Variants in RIMS2 observed in about 807,000 individuals in gnomAD.
RIMS2 encodes regulating synaptic membrane exocytosis protein 2.
In RIMS2, 59 loss-of-function variants were observed where a neutral mutation model predicts 174.4. The observed-to-expected ratio is 0.34, with a 90% CI of 0.27 to 0.42. The LOEUF is 0.42. Among genes scored for constraint, RIMS2 ranks in the 10% least tolerant of loss-of-function variants. RIMS2 has a pLI of 1.00. For missense variants in RIMS2, 1,620 were observed against 1,666.3 expected, an observed-to-expected ratio of 0.97 and a Z score of 0.48; for synonymous variants, 606 against 572.5, an observed-to-expected ratio of 1.06 and a Z score of -0.84.
intron 15 of RIMS2, among the ~76,000 whole-genome samples, 178 bp from the exon 18 acceptor site, chr8:103,975,172 T>A (rs1387645062): frequency 6.6e-6 from 1 of 152,198 alleles, no homozygotes; most frequent in Non-Finnish European, 1.5e-5. Flanking sequence ...CATTCCTTTT[T>A]AATTTCTGTT....
At chr8:103,607,718 C>G (rs1423853020) in intron 1 of RIMS2, among the ~76,000 whole-genome samples, 3 of 135,884 alleles carry the variant, frequency 2.2e-5, no homozygotes, top group Non-Finnish European at 3.2e-5. Flanking sequence ...TCTTTTTTCT[C>G]TAAACTTCCC....
At chr8:103,676,126 G>A (rs556770549) in intron 1 of RIMS2, among the ~76,000 whole-genome samples, 2 of 152,242 alleles carry the variant, frequency 1.3e-5, no homozygotes, top group Admixed American at 6.5e-5. Flanking sequence ...GGTAAGACTT[G>A]TTATGTAAAT....
chr8:104,101,037 T>C (rs920239197), intron 19 of RIMS2, among the ~76,000 whole-genome samples: 2 of 142,534 alleles, frequency 1.4e-5, no homozygotes, highest in East Asian at 2.0e-4. Context: ...ATGTTATATA[T>C]TATATTATAT....
intron 1 of RIMS2, among the ~76,000 whole-genome samples, chr8:103,659,816 C>T (rs10097250): frequency 0.38 from 57,292 of 152,066 alleles, 11,139 homozygotes; most frequent in African/African-American, 0.4. Flanking sequence ...GAGCGTTTCA[C>T]TGAGATTGGC....
intron 19 of RIMS2, among the ~76,000 whole-genome samples, chr8:104,029,149 A>G (rs901792919): frequency 4.5e-4 from 69 of 152,204 alleles, no homozygotes; most frequent in African/African-American, 1.6e-3. Context: ...ATGCTAATGC[A>G]TTCTAACTAG....
chr8:103,947,390 A>G (rs1162598877), intron 14 of RIMS2, among the ~76,000 whole-genome samples: 2 of 152,224 alleles, frequency 1.3e-5, no homozygotes, highest in Non-Finnish European at 2.9e-5. Context: ...AAACATTGTC[A>G]TCATTGTATG....
At chr8:103,818,313 A>T (rs1227895156) in intron 3 of RIMS2, among the ~76,000 whole-genome samples, 1 of 152,188 alleles carries the variant, frequency 6.6e-6, no homozygotes, top group South Asian at 2.1e-4. Context: ...TTAAAAGTCA[A>T]TGAAAATACT....
chr8:103,592,062 T>C (rs1040562921), intron 1 of RIMS2, among the ~76,000 whole-genome samples: 1 of 151,186 alleles, frequency 6.6e-6, no homozygotes, highest in African/African-American at 2.4e-5. Context: ...ATTTAGATGT[T>C]CTTGCAGAAT....
Position 104,117,582 on chromosome 8 carries a change from C to A in RIMS2, c.3334+102967C>A, listed in dbSNP as rs1208188781. 3.3e-5 allele frequency among the ~76,000 whole-genome samples: 5 copies of A among 151,998 alleles called. No homozygotes were observed. The East Asian group carries it at 5.8e-4, about 18-fold the overall frequency. On this transcript the variant is annotated intron_variant, in intron 19 of 23. Coordinates refer to ENST00000504942, the Ensembl canonical transcript of RIMS2. ...TCTTGAAATCCTGGCCTCAAGCAAT[C>A]CCCCCTTCCTGGGCCTCCCAAAGTG...
At chr8:103,576,805 A>T (rs898617221) in intron 1 of RIMS2, among the ~76,000 whole-genome samples, 1 of 152,196 alleles carries the variant, frequency 6.6e-6, no homozygotes, top group African/African-American at 2.4e-5. Flanking sequence ...GATATCCCTA[A>T]CAAAAACAAG....
At chr8:103,638,848 G>A (rs906026362) in intron 1 of RIMS2, among the ~76,000 whole-genome samples, 3 of 152,116 alleles carry the variant, frequency 2.0e-5, no homozygotes, top group Middle Eastern at 6.8e-3. Context: ...GGAAATACTT[G>A]TATATATAAA....
intron 19 of RIMS2, among the ~76,000 whole-genome samples, chr8:104,047,271 A>T (rs1305191143): frequency 6.6e-6 from 1 of 152,080 alleles, no homozygotes; most frequent in Non-Finnish European, 1.5e-5. Flanking sequence ...CTAAATTATT[A>T]ATATATTACT....
chr8:103,602,649 G>A (rs2094816895), intron 1 of RIMS2, among the ~76,000 whole-genome samples: 2 of 152,118 alleles, frequency 1.3e-5, no homozygotes, highest in African/African-American at 4.8e-5. Context: ...CTTTTTTATG[G>A]CTGGATTGTA....
At chr8:104,167,106 A>G (rs1365026837) in intron 19 of RIMS2, among the ~76,000 whole-genome samples, 2 of 152,144 alleles carry the variant, frequency 1.3e-5, no homozygotes, top group Admixed American at 1.3e-4. Context: ...TTTTTCATAT[A>G]ATGACTTATT....
At position 104,082,082 on chromosome 8, in the gene RIMS2, T is replaced by C. The variant is rs79073067; in HGVS notation, c.3334+67467T>C. 7.1e-3 allele frequency among the ~76,000 whole-genome samples: 1,088 copies of C among 152,172 alleles called. 11 individuals are homozygous for C. Among genetic ancestry groups the C allele is most frequent in the African/African-American group, 0.025 (1,025 of 41,528 alleles). ...TGCTGAAGCTCATCAGCTTTAATTC[T>C]GGATTCTGGTTCTGCAACATTAAAG... On this transcript the variant is annotated intron_variant, in intron 19 of 23. Transcript: ENST00000504942.
At chr8:104,139,716 AT>A in intron 19 of RIMS2, among the ~76,000 whole-genome samples, 1 of 152,250 alleles carries the variant, frequency 6.6e-6, no homozygotes, top group Non-Finnish European at 1.5e-5. Flanking sequence ...AACAAAGATA[AT>A]TTGACTTCTT....
intron 1 of RIMS2, among the ~76,000 whole-genome samples, chr8:103,516,438 A>C (rs547669548): frequency 5.9e-5 from 9 of 152,270 alleles, no homozygotes; most frequent in African/African-American, 2.2e-4. Flanking sequence ...ATTATGTTAC[A>C]TTATTTTTTA....
intron 15 of RIMS2, among the ~76,000 whole-genome samples, chr8:103,973,950 AG>A (rs2093174057): frequency 6.6e-6 from 1 of 152,158 alleles, no homozygotes. Flanking sequence ...CTCATCCATG[AG>A]GTTAAACACC....
In RIMS2 at chr8:103,886,242, C is replaced by A. The variant is rs763237084; in HGVS notation, c.1624+19C>A. 4 of 1,577,398 alleles carry A rather than the reference C, an allele frequency of 2.5e-6. No individual in the cohort carries two copies. The South Asian group carries it at 4.7e-5, about 18-fold the overall frequency. On this transcript the variant is annotated intron_variant, in intron 4 of 23. Coordinates refer to ENST00000504942, the Ensembl canonical transcript of RIMS2. ...GAAAAAGGTAAGCTTTCTAATCATA[C>A]ATTTTGCTGTAATTGATTAGATAAG...
Sources: gnomAD v4.1 joint callset for allele counts (sites outside exome capture counted in the v4.1 genomes callset) on GRCh38, gnomAD v4.1.1 for gene constraint, MANE v1.5 for transcripts, NCBI Gene and HGNC (gene_info 2026-07-23, HGNC 2026-07-21) for gene names.